The following EPG5 variants were observed in gnomAD, a reference collection of about 807,000 sequenced individuals.
EPG5 encodes the protein ectopic P-granules 5 autophagy tethering factor.
A neutral mutation model predicts 302.7 loss-of-function variants in EPG5; 159 were observed. The ratio of observed to expected loss-of-function variants is 0.53; its 90% CI spans 0.46 to 0.60. The LOEUF (loss-of-function observed/expected upper bound fraction) is 0.60. Among genes scored for constraint, EPG5 ranks in the 20% least tolerant of loss-of-function variants. EPG5 has a pLI of 0.00. For missense variants in EPG5, 2,896 were observed against 3,092.4 expected, an observed-to-expected ratio of 0.94 and a Z score of 1.51; for synonymous variants, 1,158 against 1,136.8, an observed-to-expected ratio of 1.02 and a Z score of -0.37.
intron 1 of EPG5, among the ~76,000 whole-genome samples, chr18:45,956,136 CAA>C (rs1370435309): frequency 6.6e-6 from 1 of 152,144 alleles, no homozygotes; most frequent in African/African-American, 2.4e-5. Flanking sequence ...ACCAAATGAT[CAA>C]AGTTACATCA....
intron 13 of EPG5, among the ~76,000 whole-genome samples, chr18:45,927,812 G>A (rs574329909): frequency 6.6e-6 from 1 of 152,220 alleles, no homozygotes; most frequent in African/African-American, 2.4e-5. Context: ...ACAGACATTA[G>A]ATTAGGGCTT....
intron 16 of EPG5, among the ~76,000 whole-genome samples, chr18:45,919,482 T>C (rs1443243192): frequency 2.0e-5 from 3 of 151,516 alleles, no homozygotes; most frequent in African/African-American, 7.3e-5. Context: ...GAGAATCACG[T>C]CAGACACTGT....
At chr18:45,880,996 T>G (rs892314570) in intron 31 of EPG5, among the ~76,000 whole-genome samples, 12 of 152,016 alleles carry the variant, frequency 7.9e-5, no homozygotes, top group Non-Finnish European at 1.6e-4. Flanking sequence ...AAATCACACA[T>G]GCCTAGAAGG....
chr18:45,837,944 G>T, the EPG5 span: 1 of 1,431,240 alleles, frequency 7.0e-7, no homozygotes, highest in Non-Finnish European at 9.1e-7. Flanking sequence ...CCGCCCTCCC[G>T]CCTGCCCCGC....
intron 21 of EPG5, 137 bp from the exon 22 acceptor site, chr18:45,912,593 A>ACTCGGCCGGGCGCGGTGG (rs2049931020): frequency 2.2e-6 from 2 of 913,976 alleles, no homozygotes; most frequent in East Asian, 5.7e-5. Flanking sequence ...GTCACATAAA[A>ACTCGGCCGGGCGCGGTGG]CTCACTTCTC....
At chr18:45,960,010 T>G (rs1419928030) in intron 1 of EPG5, among the ~76,000 whole-genome samples, 1 of 151,918 alleles carries the variant, frequency 6.6e-6, no homozygotes, top group African/African-American at 2.4e-5. Flanking sequence ...AAAGGTCAGG[T>G]GCAGTGGCTC....
At chr18:45,816,537 T>C in the EPG5 span, among the ~76,000 whole-genome samples, 3 of 152,064 alleles carry the variant, frequency 2.0e-5, no homozygotes, top group African/African-American at 7.2e-5. Context: ...ATGCTCAACA[T>C]CACTAATGAT....
chr18:45,889,566 G>A (rs2049293927), intron 28 of EPG5, among the ~76,000 whole-genome samples: 3 of 152,070 alleles, frequency 2.0e-5, no homozygotes, highest in Admixed American at 2.0e-4. Context: ...TCCTTCTGCT[G>A]CAGCATAAAA....
At position 45,948,557 on chromosome 18, in the gene EPG5, G is replaced by A. The variant is rs760863379; in HGVS notation, c.1517C>T (p.Pro506Leu). Residue 506 changes from proline to leucine, a missense_variant, in exon 6 of 44, where the codon CCA (proline) becomes CTA (leucine). Physicochemically the swap from Pro to Leu is moderately conservative, Grantham distance 98. Coordinates refer to ENST00000282041, the MANE Select transcript of EPG5 (RefSeq NM_020964.3). ...TTGCATAAAATGAAAGACCCCTGAT[G>A]GGTTATGCAACACTTTGATCTGAAA... Reference protein sequence around the residue: ...PFIQIKVLHNPSGVFHFMQSL... With the variant: ...PFIQIKVLHNLSGVFHFMQSL... The A allele has an allele frequency of 1.9e-6, 3 of 1,613,624 alleles. No individual in the cohort carries two copies. Among genetic ancestry groups the A allele is most frequent in the Non-Finnish European group, 2.5e-6 (3 of 1,179,672 alleles).
rs765892676 is a variant in EPG5, at chr18:45,943,309, C to A, written c.1795G>T (p.Asp599Tyr). 21 of 1,613,332 alleles carry A rather than the reference C, an allele frequency of 1.3e-5. No homozygotes were observed. The highest frequency in any genetic ancestry group is 1.7e-5 in the Non-Finnish European group (20 of 1,179,538). ...GGTCTTGTTGTTTCAGGTAAATAAT[C>A]ACCTAGAAGTTAATCAGATAAAAGA... ...QHLLGFKAKG[D>Y]YLPETTRPQE... is the part of the protein sequence containing the mutation. Residue 599 changes from aspartate (D) to tyrosine (Y), a missense_variant and splice_region_variant, in exon 9 of 44, where the codon GAT becomes TAT. Physicochemically the swap from Asp to Tyr is radical, Grantham distance 160. Transcript: ENST00000282041.
intron 8 of EPG5, among the ~76,000 whole-genome samples, chr18:45,943,789 C>T (rs963538939): frequency 2.6e-5 from 4 of 151,990 alleles, no homozygotes; most frequent in Non-Finnish European, 5.9e-5. Flanking sequence ...GGCGTGGTGG[C>T]GGGCGCCTGT....
chr18:45,868,415 G>A (rs570138035), intron 36 of EPG5, among the ~76,000 whole-genome samples: 19 of 150,368 alleles, frequency 1.3e-4, no homozygotes, highest in Admixed American at 3.3e-4. Flanking sequence ...TTGGCTCAAC[G>A]CAACCTCCGC....
chr18:45,863,005 A>AT lies in EPG5; in HGVS notation c.6766+2609dup, dbSNP rs199708167. ...TCCCTCTAGTTCTATTTAGTTACTG[A>AT]TTTTTTTTTCTTTGTCATGCAACTT... is the stretch of plus-strand genomic sequence containing the variant. On this transcript the variant is annotated intron_variant, in intron 39 of 43. Transcript: ENST00000282041. Among the ~76,000 whole-genome samples the AT allele has an allele frequency of 2.2e-4, 34 of 151,710 alleles. 1 individual carries two copies. The highest frequency in any genetic ancestry group is 5.8e-4 in the East Asian group (3 of 5,176).
chr18:45,838,766 C>A, the EPG5 span: 21 of 1,577,120 alleles, frequency 1.3e-5, no homozygotes, highest in South Asian at 2.3e-4. Context: ...CCGGCTCACG[C>A]CTTCCGCGCG....
chr18:45,896,944 T>C (rs1330110429), intron 27 of EPG5, among the ~76,000 whole-genome samples: 1 of 152,244 alleles, frequency 6.6e-6, no homozygotes, highest in African/African-American at 2.4e-5. Context: ...AATCATCTTT[T>C]CTCTGACCTC....
intron 11 of EPG5, among the ~76,000 whole-genome samples, chr18:45,933,497 T>G (rs1055654410): frequency 2.2e-4 from 33 of 151,756 alleles, no homozygotes; most frequent in African/African-American, 8.0e-4. Flanking sequence ...TGGCCAACAA[T>G]GTGAAACCCT....
chr18:45,891,154 C>G (rs937175824), intron 27 of EPG5, among the ~76,000 whole-genome samples: 19 of 152,094 alleles, frequency 1.2e-4, no homozygotes, highest in Non-Finnish European at 5.9e-5. Context: ...ACCTGAGGCT[C>G]TTATGTCACT....
intron 30 of EPG5, among the ~76,000 whole-genome samples, chr18:45,884,157 G>C (rs2049166295): frequency 6.6e-6 from 1 of 151,996 alleles, no homozygotes; most frequent in South Asian, 2.1e-4. Flanking sequence ...ACACTAAGTG[G>C]AATAAGACTA....
intron 7 of EPG5, among the ~76,000 whole-genome samples, chr18:45,946,315 A>T (rs573312366): frequency 6.6e-6 from 1 of 152,296 alleles, no homozygotes; most frequent in African/African-American, 2.4e-5. Flanking sequence ...GTTACTATAT[A>T]AAAAAACTCC....
Sources: allele counts gnomAD v4.1 joint callset (sites outside exome capture counted in the v4.1 genomes callset), GRCh38; gene constraint gnomAD v4.1.1; transcripts MANE v1.5; gene names NCBI Gene and HGNC (gene_info 2026-07-23, HGNC 2026-07-21).